The following PLEKHD1 variants were observed in gnomAD, a reference collection of about 807,000 sequenced individuals.
PLEKHD1 encodes the protein pleckstrin homology domain-containing family D member 1.
PLEKHD1 carries 51 observed loss-of-function variants against 69.2 expected under a neutral mutation model. The observed-to-expected ratio is 0.74, with a 90% CI of 0.59 to 0.93. The LOEUF (loss-of-function observed/expected upper bound fraction) is 0.93, where lower values mean the gene tolerates loss of function less well. PLEKHD1 is among the 40% of genes least tolerant of loss of function. The pLI is 0.00. For missense variants in PLEKHD1, 584 were observed against 641.0 expected, an observed-to-expected ratio of 0.91 and a Z score of 0.96; for synonymous variants, 236 against 244.7, an observed-to-expected ratio of 0.96 and a Z score of 0.33.
At position 69,503,002 on chromosome 14, in the gene PLEKHD1, C is replaced by A. The variant is rs911210411; in HGVS notation, c.555+123C>A. 6 of 1,169,614 alleles carry A rather than the reference C, an allele frequency of 5.1e-6. No homozygotes were observed. The African/African-American group carries it at 7.6e-5, about 15-fold the overall frequency. 72.5% of individuals were successfully genotyped at this position (1,169,614 alleles called of 1,614,324 possible). Reference sequence around the variant, plus strand: ...TGCTAGAAGATCAGATGGGGCAGGGCGGGGAGGCCAAATGGGATCACAGTG... The same window carrying A: ...TGCTAGAAGATCAGATGGGGCAGGGAGGGGAGGCCAAATGGGATCACAGTG... On this transcript the variant is annotated intron_variant, in intron 6 of 12. Coordinates refer to ENST00000322564, the MANE Select transcript of PLEKHD1 (RefSeq NM_001161498.2).
chr14:69,519,648 G>A (rs944028276), intron 6 of PLEKHD1, among the ~76,000 whole-genome samples: 3 of 152,160 alleles, frequency 2.0e-5, no homozygotes, highest in Non-Finnish European at 4.4e-5. Context: ...ATCTGCTGGC[G>A]TCACGAGGCA....
At chr14:69,503,589 G>T (rs969333275) in intron 6 of PLEKHD1, 1 of 151,598 alleles carries the variant, frequency 6.6e-6, no homozygotes, top group East Asian at 1.9e-4. Flanking sequence ...TACTCGGGAG[G>T]CTGAGGCAGG....
Position 69,527,886 on chromosome 14 carries a change from G to A in PLEKHD1, c.1305G>A (p.Lys435=), listed in dbSNP as rs1416760149. Reference sequence around the variant, plus strand: ...ATAAGGCAGCCACTCGCCGCATCAAGAGCTGCCGCTTCCACCGACGCCGGT... The same window carrying A: ...ATAAGGCAGCCACTCGCCGCATCAAAAGCTGCCGCTTCCACCGACGCCGGT... ...YIHKAATRRI[K]SCRFHRRRSS... Residue 435 remains lysine, a synonymous_variant, in exon 12 of 13, where the codon AAG becomes AAA. Coordinates refer to ENST00000322564, the MANE Select transcript of PLEKHD1 (RefSeq NM_001161498.2). The A allele has an allele frequency of 8.4e-6, 13 of 1,551,370 alleles. No individual in the cohort carries two copies. The highest frequency in any genetic ancestry group is 1.1e-5 in the Non-Finnish European group (13 of 1,147,010).
intron 6 of PLEKHD1, among the ~76,000 whole-genome samples, chr14:69,519,362 T>C (rs1435121738): frequency 6.6e-6 from 1 of 151,972 alleles, no homozygotes; most frequent in Non-Finnish European, 1.5e-5. Context: ...AGCAGGAGAC[T>C]GAAGCATCTG....
At chr14:69,512,993 G>A (rs1032500166) in intron 6 of PLEKHD1, among the ~76,000 whole-genome samples, 8 of 152,046 alleles carry the variant, frequency 5.3e-5, no homozygotes, top group Non-Finnish European at 1.5e-5. Flanking sequence ...AGGAGGCTGA[G>A]GCAGGAGGAT....
At chr14:69,480,801 C>T (rs1263512679), upstream of PLEKHD1, among the ~76,000 whole-genome samples, 7 of 152,272 alleles carry the variant, frequency 4.6e-5, no homozygotes, top group South Asian at 2.1e-4. Flanking sequence ...TACAGGCATG[C>T]GCCACTATGC....
Position 69,528,408 on chromosome 14 carries a change from G to T in PLEKHD1, c.1510G>T (p.Gly504Cys). The change falls in exon 13 of 13, where the codon GGT (glycine) becomes TGT (cysteine). Residue 504 changes from glycine (G) to cysteine (C), a missense_variant. By Grantham distance (159) the Gly-to-Cys change is radical. Transcript: ENST00000322564. The stretch of plus-strand genomic sequence containing the variant: ...TGGAGCCCCCTCGGCACTCTCCCGG[G>T]GTGGAAAGTGATGGGCGCTCCTCCC... The part of the protein sequence containing the change: ...QPGAPSALSR[G>C]GK The T allele has an allele frequency of 6.4e-7, 1 of 1,550,820 alleles. No individual in the cohort carries two copies. The highest frequency in any genetic ancestry group is 8.7e-7 in the Non-Finnish European group (1 of 1,146,946).
In PLEKHD1 at chr14:69,500,290, T is replaced by C. The variant is rs1377147928; in HGVS notation, c.243+82T>C. The C allele has an allele frequency of 8.6e-6, 10 of 1,168,122 alleles. 1 individual carries two copies. In the South Asian group the frequency reaches 1.1e-4, roughly 13 times the overall value. The allele number at this position is 1,168,122 out of a possible 1,614,324, so 72.4% of individuals were successfully genotyped here. On this transcript the variant is annotated intron_variant, in intron 2 of 12. Transcript: ENST00000322564. ...CTTGCATCTTGTGAGGGGAGGGGAC[T>C]GCGCTCTTGCTCTGGCCTAGCAGAG...
At chr14:69,496,219 C>T (rs781417396) in intron 1 of PLEKHD1, among the ~76,000 whole-genome samples, 4 of 152,244 alleles carry the variant, frequency 2.6e-5, no homozygotes, top group Non-Finnish European at 5.9e-5. Flanking sequence ...TAATGATCTT[C>T]TGCCCACCCA....
chr14:69,510,111 G>A (rs1456257296), intron 6 of PLEKHD1, among the ~76,000 whole-genome samples: 1 of 152,098 alleles, frequency 6.6e-6, no homozygotes, highest in Non-Finnish European at 1.5e-5. Context: ...TAGCTTTATA[G>A]TAAGTCTTAA....
At chr14:69,490,155 C>A (rs1275722) in intron 1 of PLEKHD1, among the ~76,000 whole-genome samples, 56,153 of 152,036 alleles carry the variant, frequency 0.37, 12,081 homozygotes, top group African/African-American at 0.61. Flanking sequence ...GGCATGAGCC[C>A]CCTGTTATAT....
intron 1 of PLEKHD1, among the ~76,000 whole-genome samples, chr14:69,488,737 C>A (rs1408362281): frequency 6.6e-6 from 1 of 151,892 alleles, no homozygotes; most frequent in African/African-American, 2.4e-5. Flanking sequence ...GTCTCTGCCT[C>A]CAGAAAAAAA....
At chr14:69,498,539 T>C (rs1882941515) in intron 1 of PLEKHD1, among the ~76,000 whole-genome samples, 1 of 152,092 alleles carries the variant, frequency 6.6e-6, no homozygotes, top group Non-Finnish European at 1.5e-5. Context: ...GGTAGGACCT[T>C]CAGAGATTCA....
At chr14:69,506,890 G>GTTTTTTTTTTTT (rs1883162235) in intron 6 of PLEKHD1, among the ~76,000 whole-genome samples, 1 of 86,648 alleles carries the variant, frequency 1.2e-5, no homozygotes, top group African/African-American at 6.2e-5. Flanking sequence ...CCTGGCAACT[G>GTTTTTTTTTTTT]CTTTTTTTTT....
upstream of PLEKHD1, among the ~76,000 whole-genome samples, chr14:69,482,917 A>C (rs933698045): frequency 6.7e-6 from 1 of 148,414 alleles, no homozygotes; most frequent in African/African-American, 2.5e-5. Flanking sequence ...GAAAGAAAGA[A>C]AAAAAGAAAG....
At chr14:69,478,353 A>G in the PLEKHD1 span, among the ~76,000 whole-genome samples, 1 of 152,210 alleles carries the variant, frequency 6.6e-6, no homozygotes, top group Admixed American at 6.5e-5. Context: ...GACCTCTGAC[A>G]TGCCCTGGAG....
intron 1 of PLEKHD1, among the ~76,000 whole-genome samples, chr14:69,493,003 A>C (rs1368921235): frequency 6.6e-6 from 1 of 152,222 alleles, no homozygotes; most frequent in Non-Finnish European, 1.5e-5. Context: ...CGGGGTTGAA[A>C]TGATCCTTCT....
At position 69,531,162 on chromosome 14, in the gene PLEKHD1, A is replaced by G. The variant is rs184192850; in HGVS notation, c.*2743A>G. ...GGTCCCACCTCTTAATATTGTTACA[A>G]TGGCAATCAAATTTCTTTTTTTAAT... On this transcript the variant is annotated 3_prime_UTR_variant, in exon 13 of 13. Transcript: ENST00000322564. The G allele has an allele frequency of 1.8e-4, 28 of 152,290 alleles. No individual in the cohort carries two copies. Among genetic ancestry groups the G allele is most frequent in the African/African-American group, 6.7e-4 (28 of 41,562 alleles). The allele number at this position is 152,290 out of a possible 1,614,324, so 9.4% of individuals were successfully genotyped here.
intron 7 of PLEKHD1, among the ~76,000 whole-genome samples, chr14:69,523,634 TGCA>T (rs984346264): frequency 2.6e-5 from 4 of 152,172 alleles, no homozygotes; most frequent in Non-Finnish European, 5.9e-5. Flanking sequence ...GAAGGCATGG[TGCA>T]GATTTCCTGT....
Sources: allele counts gnomAD v4.1 joint callset (sites outside exome capture counted in the v4.1 genomes callset), GRCh38; gene constraint gnomAD v4.1.1; transcripts MANE v1.5; gene names NCBI Gene and HGNC (gene_info 2026-07-23, HGNC 2026-07-21).